Variants in ELAVL4 observed in about 807,000 individuals in gnomAD.
The protein encoded by ELAVL4 is ELAV like RNA binding protein 4, also known as ELAV-like protein 4.
A neutral mutation model predicts 35.6 loss-of-function variants in ELAVL4; 1 was observed. The observed-to-expected ratio is 0.03, with a 90% CI of 0.01 to 0.13. ELAVL4 has a LOEUF of 0.13. Ranked by LOEUF, ELAVL4 falls within the 10% of genes least tolerant of loss-of-function variation. ELAVL4 has a pLI of 1.00. For synonymous variants in ELAVL4, 156 were observed against 171.0 expected (o/e 0.91, Z 0.69); for missense variants, 267 against 464.9 (o/e 0.57, Z 3.91).
chr1:50,170,600 A>G (rs1161962755), intron 2 of ELAVL4, among the ~76,000 whole-genome samples: 1 of 152,160 alleles, frequency 6.6e-6, no homozygotes, highest in Admixed American at 6.5e-5. Context: ...CTTCATGTGC[A>G]TTTGACTTAC....
At chr1:50,076,378 T>C (rs1303864683) in intron 1 of ELAVL4, among the ~76,000 whole-genome samples, 1 of 152,234 alleles carries the variant, frequency 6.6e-6, no homozygotes, top group Non-Finnish European at 1.5e-5. Flanking sequence ...TTTATTACAA[T>C]ATACTGTTAT....
chr1:50,180,922 A>G (rs1680922921), intron 3 of ELAVL4: 1 of 152,226 alleles, frequency 6.6e-6, no homozygotes, highest in Non-Finnish European at 1.5e-5. Context: ...CAATACTATT[A>G]TAACCCTTTT....
chr1:50,183,476 G>A (rs930050153), intron 3 of ELAVL4, among the ~76,000 whole-genome samples: 3 of 152,150 alleles, frequency 2.0e-5, no homozygotes, highest in African/African-American at 7.2e-5. Flanking sequence ...GAAGGTGTGT[G>A]AGGGAAGGCT....
intron 2 of ELAVL4, among the ~76,000 whole-genome samples, chr1:50,168,657 A>G (rs1678405827): frequency 6.6e-6 from 1 of 152,110 alleles, no homozygotes; most frequent in African/African-American, 2.4e-5. Flanking sequence ...TCATGTATAG[A>G]GTCACTAAAC....
chr1:50,203,707 T>A lies in ELAVL4; in HGVS notation c.*2529T>A, dbSNP rs114150837. The A allele has an allele frequency of 6.1e-3, 930 of 152,240 alleles. 9 individuals are homozygous for A. Among genetic ancestry groups the A allele is most frequent in the African/African-American group, 0.022 (898 of 41,530 alleles). The allele number at this position is 152,240 out of a possible 1,614,324, so 9.4% of individuals were successfully genotyped here. A position where few individuals can be genotyped will look rare whatever the true frequency, so the allele number is the denominator to read the frequency against. ...TATTGTAAATGTTTTTTTTTCATAA[T>A]CTTGTTGTGTTTGAATTATTTGTAC... On this transcript the variant is annotated 3_prime_UTR_variant, in exon 7 of 7. Transcript: ENST00000371824.
At chr1:50,191,221 C>A (rs1000322273) in intron 3 of ELAVL4, among the ~76,000 whole-genome samples, 1 of 152,162 alleles carries the variant, frequency 6.6e-6, no homozygotes, top group African/African-American at 2.4e-5. Flanking sequence ...CAACACATAC[C>A]ACTGTACCTG....
chr1:50,176,552 T>C (rs1557837068), intron 2 of ELAVL4, among the ~76,000 whole-genome samples: 1 of 152,190 alleles, frequency 6.6e-6, no homozygotes, highest in Non-Finnish European at 1.5e-5. Flanking sequence ...GTTGAGCACC[T>C]ACTCCAATCT....
intron 2 of ELAVL4, among the ~76,000 whole-genome samples, chr1:50,163,455 G>C (rs1677153639): frequency 6.6e-6 from 1 of 152,156 alleles, no homozygotes; most frequent in African/African-American, 2.4e-5. Context: ...AGCCAAGTTG[G>C]GAGATGGGAA....
chr1:50,093,297 C>A (rs1665572346), intron 1 of ELAVL4, among the ~76,000 whole-genome samples: 1 of 152,014 alleles, frequency 6.6e-6, no homozygotes, highest in South Asian at 2.1e-4. Context: ...TCTTTCTTTT[C>A]TTTTATTATT....
chr1:50,097,815 G>A (rs749181363), intron 1 of ELAVL4, among the ~76,000 whole-genome samples: 5 of 152,110 alleles, frequency 3.3e-5, no homozygotes, highest in Admixed American at 6.5e-5. Context: ...CATGGAATTG[G>A]CAAACATACA....
chr1:50,062,207 A>G lies in ELAVL4; in HGVS notation c.18+14025A>G, dbSNP rs572579285. ...AGCCTTTGATCTCAAGGAGTCCACA[A>G]TCTTGTGGAGAAAACAAGGAGAATA... On this transcript the variant is annotated intron_variant, in intron 1 of 6. Coordinates refer to the ELAVL4 transcript ENST00000448907. Among the ~76,000 whole-genome samples the G allele has an allele frequency of 1.8e-4, 28 of 152,272 alleles. 2 individuals are homozygous for G. The South Asian group carries it at 5.4e-3, about 29-fold the overall frequency.
intron 3 of ELAVL4, among the ~76,000 whole-genome samples, chr1:50,189,577 C>T (rs1281842360): frequency 6.6e-6 from 1 of 152,192 alleles, no homozygotes; most frequent in East Asian, 1.9e-4. Flanking sequence ...AGTGCCTCTA[C>T]AGGCATTCCC....
chr1:50,157,145 T>C (rs547169196), intron 2 of ELAVL4, among the ~76,000 whole-genome samples: 4 of 152,184 alleles, frequency 2.6e-5, no homozygotes, highest in African/African-American at 7.2e-5. Flanking sequence ...AGATTTTTTT[T>C]AAAATTAGGC....
intron 1 of ELAVL4, among the ~76,000 whole-genome samples, chr1:50,071,491 TC>T (rs1664514406): frequency 6.6e-6 from 1 of 152,008 alleles, no homozygotes; most frequent in Non-Finnish European, 1.5e-5. Context: ...AGCCTCAGAG[TC>T]AAATTGAAGT....
chr1:50,201,208 A>G lies in ELAVL4; in HGVS notation c.*30A>G, dbSNP rs768512363. 2.0e-6 allele frequency: 3 copies of G among 1,512,794 alleles called. No individual in the cohort carries two copies. Among genetic ancestry groups the G allele is most frequent in the Non-Finnish European group, 8.8e-7 (1 of 1,134,840 alleles). The allele number at this position is 1,512,794 out of a possible 1,614,324, so 93.7% of individuals were successfully genotyped here. On this transcript the variant is annotated 3_prime_UTR_variant, in exon 7 of 7. Coordinates refer to ENST00000371824, the MANE Select transcript of ELAVL4 (RefSeq NM_001144774.3). The surrounding 1 kb of genome is among the most constrained non-coding windows in gnomAD (Gnocchi z 4.3). ...CCCATTCTTACTTACTAAAATATAT[A>G]TAGAAATATATACGAACAAAACACA...
intron 1 of ELAVL4, among the ~76,000 whole-genome samples, chr1:50,138,529 G>A (rs886122025): frequency 2.6e-5 from 4 of 151,534 alleles, no homozygotes; most frequent in Admixed American, 6.6e-5. Flanking sequence ...GCGTGATCTC[G>A]GCTCACTGCA....
intron 1 of ELAVL4, among the ~76,000 whole-genome samples, chr1:50,071,405 A>G (rs1664510358): frequency 6.6e-6 from 1 of 152,144 alleles, no homozygotes; most frequent in South Asian, 2.1e-4. Context: ...CAGCTTTGTA[A>G]CAACTTTTTT....
exon 1 of ELAVL4, chr1:50,048,071 C>G: frequency 7.3e-7 from 1 of 1,376,332 alleles, no homozygotes; most frequent in South Asian, 1.5e-5. Context: ...AGCTAGAGAG[C>G]GAGAGCGGTG....
intron 4 of ELAVL4, among the ~76,000 whole-genome samples, chr1:50,195,171 A>G (rs1643961586): frequency 6.6e-6 from 1 of 152,256 alleles, no homozygotes; most frequent in East Asian, 1.9e-4. Flanking sequence ...TTTTTAAAGC[A>G]TATCATGTGG....
Sources: allele counts gnomAD v4.1 joint callset (sites outside exome capture counted in the v4.1 genomes callset), GRCh38; gene constraint gnomAD v4.1.1; non-coding constraint Gnocchi (gnomAD v3.1); transcripts MANE v1.5; gene names NCBI Gene and HGNC (gene_info 2026-07-23, HGNC 2026-07-21).